SYT13: variants seen among roughly 807,000 people sequenced by gnomAD.
SYT13 encodes the protein synaptotagmin-13.
In SYT13, 21 loss-of-function variants were observed where a neutral mutation model predicts 38.6. That is an observed-to-expected ratio of 0.54 (90% CI 0.39 to 0.78). The LOEUF (loss-of-function observed/expected upper bound fraction) is 0.78. SYT13 is among the 30% of genes least tolerant of loss of function. The pLI is 0.00. For missense variants in SYT13, 495 were observed against 548.7 expected, an observed-to-expected ratio of 0.90 and a Z score of 0.98; for synonymous variants, 241 against 237.6, an observed-to-expected ratio of 1.01 and a Z score of -0.13.
At chr11:45,259,712 T>C (rs1369752428) in intron 1 of SYT13, among the ~76,000 whole-genome samples, 1 of 152,144 alleles carries the variant, frequency 6.6e-6, no homozygotes, top group East Asian at 1.9e-4. Flanking sequence ...TGGTGACTGA[T>C]TCCCAGGGGT....
chr11:45,257,208 T>C (rs991086567), intron 1 of SYT13, among the ~76,000 whole-genome samples: 17 of 152,198 alleles, frequency 1.1e-4, no homozygotes, highest in African/African-American at 3.9e-4. Context: ...ACACAGCATC[T>C]ACAGAGACAT....
rs1422069596 is a variant in SYT13 at position 45,244,119 on chromosome 11, C to G, written c.1214G>C (p.Ser405Thr). 6 of 1,612,848 alleles carry G rather than the reference C, an allele frequency of 3.7e-6. No homozygotes were observed. The highest frequency in any genetic ancestry group is 4.2e-6 in the Non-Finnish European group (5 of 1,179,764). ...LGLHTSGSER[S>T]HWEEMLKNPR... ...GTTTTTGAGCATCTCCTCCCAGTGG[C>G]TGCGCTCAGAGCCCGAGGTGTGCAG... Residue 405 changes from serine (S) to threonine (T), a missense_variant, in exon 6 of 6, where the codon AGC becomes ACC. Coordinates refer to ENST00000020926, the MANE Select transcript of SYT13 (RefSeq NM_020826.3).
intron 4 of SYT13, among the ~76,000 whole-genome samples, chr11:45,248,584 C>G (rs1854639419): frequency 6.6e-6 from 1 of 152,226 alleles, no homozygotes. Context: ...GACAGCCCTC[C>G]CTAACCCTCT....
intron 1 of SYT13, chr11:45,269,517 C>A: frequency 2.4e-6 from 3 of 1,273,922 alleles, no homozygotes; most frequent in Non-Finnish European, 3.1e-6. Context: ...CTCTGCAATG[C>A]ACAACACAAA....
chr11:45,277,298 G>C (rs1183591175), intron 1 of SYT13, among the ~76,000 whole-genome samples: 1 of 152,170 alleles, frequency 6.6e-6, no homozygotes, highest in East Asian at 1.9e-4. Flanking sequence ...TTAGAACTAG[G>C]TGGAGGTAGT....
chr11:45,263,509 G>A (rs1206825393), intron 1 of SYT13, among the ~76,000 whole-genome samples: 1 of 152,252 alleles, frequency 6.6e-6, no homozygotes, highest in South Asian at 2.1e-4. Context: ...GGTCATCTTT[G>A]CTCCTTAAAC....
intron 1 of SYT13, among the ~76,000 whole-genome samples, chr11:45,284,590 G>A (rs1855111805): frequency 6.6e-6 from 1 of 152,134 alleles, no homozygotes; most frequent in African/African-American, 2.4e-5. Context: ...AAGACAAAGA[G>A]TTGGAAGAGA....
intron 4 of SYT13, among the ~76,000 whole-genome samples, chr11:45,248,525 G>A (rs1364918945): frequency 6.6e-6 from 1 of 152,208 alleles, no homozygotes; most frequent in Non-Finnish European, 1.5e-5. Context: ...GGTCCAGTCT[G>A]ACAGCAAAAC....
intron 1 of SYT13, among the ~76,000 whole-genome samples, chr11:45,279,196 T>A (rs938224793): frequency 2.6e-5 from 4 of 152,234 alleles, no homozygotes; most frequent in Admixed American, 6.5e-5. Context: ...CCACTGAATA[T>A]GTTACTTAAG....
chr11:45,244,030 A>C lies in SYT13; in HGVS notation c.*22T>G. The C allele has an allele frequency of 6.3e-7, 1 of 1,575,988 alleles. No homozygotes were observed. Among genetic ancestry groups the C allele is most frequent in the Non-Finnish European group, 8.6e-7 (1 of 1,164,640 alleles). On this transcript the variant is annotated 3_prime_UTR_variant, in exon 6 of 6. Coordinates refer to ENST00000020926, the MANE Select transcript of SYT13 (RefSeq NM_020826.3). ...GAGGACGGGTCAGGGCTGTCCAAGA[A>C]GGGAGGCAGCTGGGCAGCTGGTTAC...
chr11:45,266,746 T>C (rs1854886197), intron 1 of SYT13, among the ~76,000 whole-genome samples: 1 of 152,152 alleles, frequency 6.6e-6, no homozygotes, highest in Non-Finnish European at 1.5e-5. Flanking sequence ...CTGGAGAAAA[T>C]GTGGGGCACA....
chr11:45,283,997 ATG>A (rs1855105758), intron 1 of SYT13, among the ~76,000 whole-genome samples: 1 of 152,230 alleles, frequency 6.6e-6, no homozygotes, highest in Admixed American at 6.5e-5. Context: ...GTTTTGTTTT[ATG>A]TGTCAGTAGG....
intron 5 of SYT13, among the ~76,000 whole-genome samples, chr11:45,245,573 C>G (rs1854604053): frequency 6.6e-6 from 1 of 152,158 alleles, no homozygotes; most frequent in Non-Finnish European, 1.5e-5. Flanking sequence ...TTATTTGTAC[C>G]CTGCTATAAA....
At chr11:45,255,916 A>C in intron 1 of SYT13, 25 bp from the exon 2 acceptor site, 1 of 1,610,804 alleles carries the variant, frequency 6.2e-7, no homozygotes, top group Middle Eastern at 1.7e-4. Context: ...TACTCTGATT[A>C]GTCCACAAAG....
Position 45,240,991 on chromosome 11 carries a change from T to C in SYT13, c.*3061A>G, listed in dbSNP as rs1359547599. Reference sequence around the variant, plus strand: ...TGCAAAGACTACTGAAATATTTTTATTTGGCAGTTTGACATCTCTGGATAA... The same window carrying C: ...TGCAAAGACTACTGAAATATTTTTACTTGGCAGTTTGACATCTCTGGATAA... On this transcript the variant is annotated 3_prime_UTR_variant, in exon 6 of 6. Transcript: ENST00000020926. 2 of 152,252 alleles carry C rather than the reference T, an allele frequency of 1.3e-5. No homozygotes were observed. The highest frequency in any genetic ancestry group is 2.9e-5 in the Non-Finnish European group (2 of 68,034). The allele number at this position is 152,252 out of a possible 1,614,324, so 9.4% of individuals were successfully genotyped here.
intron 1 of SYT13, among the ~76,000 whole-genome samples, chr11:45,283,128 A>T (rs762861199): frequency 6.6e-6 from 1 of 152,200 alleles, no homozygotes; most frequent in Non-Finnish European, 1.5e-5. Context: ...AGCCTGTGTG[A>T]TGGAGTCAGA....
At chr11:45,285,591 T>C (rs930831791) in intron 1 of SYT13, among the ~76,000 whole-genome samples, 1 of 152,044 alleles carries the variant, frequency 6.6e-6, no homozygotes, top group Non-Finnish European at 1.5e-5. Flanking sequence ...CCCATCTCCC[T>C]CTCACAGACC....
rs1854561253 is a variant in SYT13 at position 45,242,318 on chromosome 11, C to T, written c.*1734G>A. The stretch of plus-strand genomic sequence containing the variant: ...GCGCGGTGGCTCAGGCCTGTAATCC[C>T]AGTACTTTGGGAGGCCGAGGAGGGT... On this transcript the variant is annotated 3_prime_UTR_variant, in exon 6 of 6. Transcript: ENST00000020926. 1 of 152,146 alleles carries T rather than the reference C, an allele frequency of 6.6e-6. No homozygotes were observed. Among genetic ancestry groups the T allele is most frequent in the African/African-American group, 2.4e-5 (1 of 41,424 alleles). 9.4% of individuals were successfully genotyped at this position (152,146 alleles called of 1,614,324 possible). A position where few individuals can be genotyped will look rare whatever the true frequency, so the allele number is the denominator to read the frequency against.
chr11:45,254,095 T>G, intron 3 of SYT13, 175 bp downstream of exon 3: 2 of 606,800 alleles, frequency 3.3e-6, no homozygotes, highest in Non-Finnish European at 5.0e-6. Context: ...CTTTGGACTG[T>G]TGGGGTTGGG....
Sources: gnomAD v4.1 joint callset for allele counts (sites outside exome capture counted in the v4.1 genomes callset) on GRCh38, gnomAD v4.1.1 for gene constraint, MANE v1.5 for transcripts, NCBI Gene and HGNC (gene_info 2026-07-23, HGNC 2026-07-21) for gene names.